The following CTSC variants were observed in gnomAD, a reference collection of about 807,000 sequenced individuals.
CTSC encodes dipeptidyl peptidase 1.
A neutral mutation model predicts 40.9 loss-of-function variants in CTSC; 37 were observed. That is an observed-to-expected ratio of 0.91 (90% confidence interval 0.70 to 1.19). The LOEUF is 1.19. Ranked by LOEUF, CTSC falls within the 50% of genes most tolerant of loss-of-function variation. CTSC has a pLI of 0.00. For synonymous variants in CTSC, 232 were observed against 207.4 expected, an observed-to-expected ratio of 1.12 and a Z score of -1.02; for missense variants, 594 against 567.3, an observed-to-expected ratio of 1.05 and a Z score of -0.48.
At chr11:88,321,488 G>A (rs1301147181) in intron 2 of CTSC, 1 of 152,104 alleles carries the variant, frequency 6.6e-6, no homozygotes, top group Non-Finnish European at 1.5e-5. Context: ...CTGTGCCCAT[G>A]TGTTCTATTG....
At chr11:88,317,595 C>G (rs1029054538) in intron 2 of CTSC, among the ~76,000 whole-genome samples, 2 of 152,166 alleles carry the variant, frequency 1.3e-5, no homozygotes, top group African/African-American at 2.4e-5. Context: ...CACTGTACCC[C>G]TGTGATTTTC....
chr11:88,314,630 C>A (rs375466333), intron 2 of CTSC, among the ~76,000 whole-genome samples: 1 of 152,094 alleles, frequency 6.6e-6, no homozygotes, highest in African/African-American at 2.4e-5. Flanking sequence ...CAGGTTCAAG[C>A]GATTCTCCTG....
In CTSC at chr11:88,293,811, A is replaced by C. The variant is rs1944267265; in HGVS notation, c.*195T>G. 2 of 641,198 alleles carry C rather than the reference A, an allele frequency of 3.1e-6. No individual in the cohort carries two copies. Among genetic ancestry groups the C allele is most frequent in the South Asian group, 3.9e-5 (2 of 51,934 alleles). 39.7% of individuals were successfully genotyped at this position (641,198 alleles called of 1,614,324 possible). A position where few individuals can be genotyped will look rare whatever the true frequency, so the allele number is the denominator to read the frequency against. On this transcript the variant is annotated 3_prime_UTR_variant, in exon 7 of 7. Transcript: ENST00000227266. ...CCAGAAAATTCCCACTTAATTGAAT[A>C]CTTAGAAAAAAATGGCCAGTGGCCG...
At chr11:88,333,871 T>C (rs1445970441) in intron 2 of CTSC, among the ~76,000 whole-genome samples, 1 of 150,088 alleles carries the variant, frequency 6.7e-6, no homozygotes, top group Non-Finnish European at 1.5e-5. Context: ...AGGCAACCTC[T>C]TCCTCTCTAT....
At position 88,294,104 on chromosome 11, in the gene CTSC, C is replaced by T. The variant is rs142232391; in HGVS notation, c.1294G>A (p.Gly432Ser). 2.5e-5 allele frequency: 40 copies of T among 1,613,958 alleles called. No individual in the cohort carries two copies. Among genetic ancestry groups the T allele is most frequent in the African/African-American group, 1.5e-4 (11 of 74,976 alleles). The change falls in exon 7 of 7, where the codon GGC (glycine) becomes AGC (serine). Residue 432 changes from glycine (G) to serine (S), a missense_variant. By Grantham distance (56) the Gly-to-Ser change is moderately conservative. Transcript: ENST00000227266. ...YWIVKNSWGT[G>S]WGENGYFRIR... ...CGGAAGTAGCCATTCTCACCCCAGCCGGTGCCCCAGCTGTTTTTAACAATC... is the reference window on the plus strand; with the variant it reads ...CGGAAGTAGCCATTCTCACCCCAGCTGGTGCCCCAGCTGTTTTTAACAATC...
chr11:88,330,089 A>G (rs1275512844), intron 2 of CTSC, among the ~76,000 whole-genome samples: 1 of 152,214 alleles, frequency 6.6e-6, no homozygotes, highest in Non-Finnish European at 1.5e-5. Flanking sequence ...AAATGCTACT[A>G]AAATCTGATA....
chr11:88,331,411 T>C (rs1045743980), intron 2 of CTSC, among the ~76,000 whole-genome samples: 2 of 152,226 alleles, frequency 1.3e-5, no homozygotes, highest in African/African-American at 4.8e-5. Flanking sequence ...AACATGTTTA[T>C]GATTTATTAC....
At chr11:88,302,045 A>G (rs1944370968) in intron 4 of CTSC, among the ~76,000 whole-genome samples, 2 of 152,210 alleles carry the variant, frequency 1.3e-5, no homozygotes, top group African/African-American at 4.8e-5. Flanking sequence ...GCCCCCAGCG[A>G]AAACTCACTT....
intron 2 of CTSC, chr11:88,328,032 G>GC (rs1938238829): frequency 1.2e-6 from 1 of 868,834 alleles, no homozygotes; most frequent in Admixed American, 1.7e-5. Flanking sequence ...GAATAAATAG[G>GC]CATTAATTTG....
At chr11:88,335,142 G>T in intron 1 of CTSC, 60 bp from the exon 2 acceptor site, 2 of 1,102,470 alleles carry the variant, frequency 1.8e-6, no homozygotes, top group Non-Finnish European at 2.7e-6. Context: ...ATAGGGGAAA[G>T]AATCCCCCAA....
Position 88,294,372 on chromosome 11 carries a change from G to A in CTSC, c.1026C>T (p.Ser342=). The A allele has an allele frequency of 1.2e-6, 2 of 1,614,132 alleles. No homozygotes were observed. The highest frequency in any genetic ancestry group is 1.7e-6 in the Non-Finnish European group (2 of 1,180,014). The change falls in exon 7 of 7, where the codon TCC becomes TCT. Residue 342 remains serine (S), a synonymous_variant. Transcript: ENST00000227266. ...KMKEDCFRYY[S]SEYHYVGGFY... is the part of the protein sequence containing the mutation. ...AACCTCCTACATAGTGGTACTCAGA[G>A]GAGTAATAACGAAAGCAGTCTTCCT...
chr11:88,325,508 A>G, intron 2 of CTSC: 1 of 985,430 alleles, frequency 1.0e-6, no homozygotes, highest in Non-Finnish European at 1.2e-6. Context: ...TTCACTATTT[A>G]GCCCCAAGGA....
rs1944348414 is a variant in CTSC at position 88,300,563 on chromosome 11, C to G, written c.724G>C (p.Gly242Arg). 6.2e-7 allele frequency: 1 copy of G among 1,613,096 alleles called. No homozygotes were observed. The highest frequency in any genetic ancestry group is 8.5e-7 in the Non-Finnish European group (1 of 1,179,086). The change falls in exon 5 of 7, where the codon GGT becomes CGT. Residue 242 changes from glycine to arginine, a missense_variant. Transcript: ENST00000227266. ...CGAACAGGACTGACAAAATTGATAC[C>G]ATGAACATTTCTCCAGTCCCAAGAT... ...PTSWDWRNVHGINFVSPVRNQ... is the reference protein window; with the variant it reads ...PTSWDWRNVHRINFVSPVRNQ...
At chr11:88,302,243 T>G (rs1172956335) in intron 4 of CTSC, among the ~76,000 whole-genome samples, 1 of 152,202 alleles carries the variant, frequency 6.6e-6, no homozygotes, top group South Asian at 2.1e-4. Flanking sequence ...ATGGCAAAGA[T>G]TCTTTCTGGG....
intron 4 of CTSC, among the ~76,000 whole-genome samples, chr11:88,307,965 T>G (rs620754): frequency 0.13 from 19,580 of 152,114 alleles, 1,384 homozygotes; most frequent in East Asian, 0.21. Context: ...AGTTTTATTA[T>G]TACTCAAATC....
chr11:88,334,687 T>A (rs1284178087), intron 2 of CTSC: 1 of 435,990 alleles, frequency 2.3e-6, no homozygotes, highest in African/African-American at 2.0e-5. Flanking sequence ...TAGTCATACT[T>A]ACCAAAATGT....
At chr11:88,330,745 C>G (rs527316230) in intron 2 of CTSC, among the ~76,000 whole-genome samples, 1 of 152,326 alleles carries the variant, frequency 6.6e-6, no homozygotes, top group African/African-American at 2.4e-5. Context: ...AAACTTTTAT[C>G]TAGCTTGAAG....
rs760130711 is a variant in CTSC, at chr11:88,312,487, A to T, written c.386T>A (p.Val129Glu). Residue 129 changes from valine (V) to glutamate (E), a missense_variant, in exon 3 of 7, where the codon GTG becomes GAG. Physicochemically the swap from Val to Glu is moderately radical, Grantham distance 121. Transcript: ENST00000227266. ...NETMTGWVHD[V>E]LGRNWACFTG... ...GAAACAAGCCCAGTTCCGGCCCAAC[A>T]CATCATGCACCCACCCAGTCATTGT... 6.2e-7 allele frequency: 1 copy of T among 1,614,160 alleles called. No homozygotes were observed. Among genetic ancestry groups the T allele is most frequent in the Non-Finnish European group, 8.5e-7 (1 of 1,180,026 alleles).
At chr11:88,307,029 C>T (rs2134779444) in intron 4 of CTSC, among the ~76,000 whole-genome samples, 1 of 152,314 alleles carries the variant, frequency 6.6e-6, no homozygotes, top group South Asian at 2.1e-4. Flanking sequence ...GAAGCCACAC[C>T]TCTGTCATAT....
Sources: gnomAD v4.1 joint callset for allele counts (sites outside exome capture counted in the v4.1 genomes callset) on GRCh38, gnomAD v4.1.1 for gene constraint, MANE v1.5 for transcripts, NCBI Gene and HGNC (gene_info 2026-07-23, HGNC 2026-07-21) for gene names.